Variants in SAFB2 observed in about 807,000 individuals in gnomAD.
SAFB2 encodes the protein scaffold attachment factor B2.
Under a neutral mutation model 100.6 loss-of-function variants are expected in SAFB2, and 32 were observed. The observed-to-expected ratio is 0.32, with a 90% CI of 0.24 to 0.43. The LOEUF (loss-of-function observed/expected upper bound fraction) is 0.43. Ranked by LOEUF, SAFB2 falls within the 20% of genes least tolerant of loss-of-function variation. The pLI, the probability that SAFB2 is intolerant of heterozygous loss-of-function variation, is 1.00. For synonymous variants in SAFB2, 500 were observed against 439.4 expected (o/e 1.14, Z -1.72); for missense variants, 1,185 against 1,163.4 (o/e 1.02, Z -0.27).
At chr19:5,617,557 G>C (rs899966734) in intron 2 of SAFB2, among the ~76,000 whole-genome samples, 1 of 152,122 alleles carries the variant, frequency 6.6e-6, no homozygotes, top group Non-Finnish European at 1.5e-5. Context: ...ACACCCAAAA[G>C]GGAAACAAAT....
chr19:5,610,102 C>A lies in SAFB2; in HGVS notation c.1196-7G>T, dbSNP rs375405609. On this transcript the variant is annotated splice_polypyrimidine_tract_variant and splice_region_variant and intron_variant, in intron 8 of 20. Coordinates refer to ENST00000252542, the MANE Select transcript of SAFB2 (RefSeq NM_014649.3). ...GAACCGCTGCCGACCCGACCTGGCACGAGAGGGAGATTCTTAGGCATCACC... is the reference window on the plus strand; with the variant it reads ...GAACCGCTGCCGACCCGACCTGGCAAGAGAGGGAGATTCTTAGGCATCACC... The A allele has an allele frequency of 1.2e-6, 2 of 1,613,274 alleles. No homozygotes were observed. The highest frequency in any genetic ancestry group is 3.3e-5 in the Admixed American group (2 of 60,010).
chr19:5,622,022 G>A (rs1166776831), intron 1 of SAFB2, among the ~76,000 whole-genome samples: 1 of 152,268 alleles, frequency 6.6e-6, no homozygotes, highest in Non-Finnish European at 1.5e-5. Flanking sequence ...GGAAGGTGAT[G>A]TCTCAGGCAG....
intron 13 of SAFB2, among the ~76,000 whole-genome samples, chr19:5,596,129 G>A (rs780985195): frequency 2.0e-5 from 3 of 152,174 alleles, no homozygotes; most frequent in Non-Finnish European, 2.9e-5. Flanking sequence ...TAGGCGTGGT[G>A]GCGCATGCCT....
intron 9 of SAFB2, 86 bp downstream of exon 9, chr19:5,609,909 A>G: frequency 1.7e-6 from 2 of 1,190,296 alleles, no homozygotes; most frequent in Non-Finnish European, 2.4e-6. Flanking sequence ...AACTGCTGGG[A>G]TTATAGACGT....
At chr19:5,622,430 G>A (rs528343002) in intron 1 of SAFB2, 100 bp downstream of exon 1, 4 of 1,271,522 alleles carry the variant, frequency 3.1e-6, no homozygotes, top group Admixed American at 6.7e-5. Context: ...AAGACGCGGG[G>A]CGAACCCAGG....
intron 11 of SAFB2, among the ~76,000 whole-genome samples, chr19:5,600,850 G>A (rs919500619): frequency 2.0e-5 from 3 of 152,168 alleles, no homozygotes; most frequent in Non-Finnish European, 4.4e-5. Context: ...TTCAACCAAA[G>A]GCAACTTTCT....
In SAFB2 at chr19:5,587,327, T is replaced by C. The variant is rs753588367; in HGVS notation, c.2778A>G (p.Gly926=). Residue 926 remains glycine (G), a synonymous_variant, in exon 21 of 21, where the codon GGA becomes GGG. Coordinates refer to ENST00000252542, the MANE Select transcript of SAFB2 (RefSeq NM_014649.3). This position sits in a 1 kb window ranked among gnomAD's most constrained non-coding sequence, Gnocchi z 4.9. Reference sequence around the variant, plus strand: ...TGCTGCCCCGGTCCTGGCTGGCCACTCCGCCACCTTCCAGTCCGCCACCTG... The same window carrying C: ...TGCTGCCCCGGTCCTGGCTGGCCACCCCGCCACCTTCCAGTCCGCCACCTG... ...VVPGGGLEGG[G]VASQDRGSRV... 1.2e-6 allele frequency: 2 copies of C among 1,612,812 alleles called. No homozygotes were observed. The highest frequency in any genetic ancestry group is 1.7e-6 in the Non-Finnish European group (2 of 1,179,634).
chr19:5,605,069 T>C, intron 9 of SAFB2, 133 bp from the exon 10 acceptor site: 1 of 1,051,668 alleles, frequency 9.5e-7, no homozygotes, highest in East Asian at 2.4e-5. Flanking sequence ...TTTTAGTTAC[T>C]GAATTGGTTC....
chr19:5,608,109 G>A (rs2052816462), intron 9 of SAFB2, among the ~76,000 whole-genome samples: 1 of 152,206 alleles, frequency 6.6e-6, no homozygotes, highest in Non-Finnish European at 1.5e-5. Flanking sequence ...AAGTAGCTGA[G>A]TGGTGTCCTG....
intron 13 of SAFB2, among the ~76,000 whole-genome samples, chr19:5,597,104 C>A (rs1030523460): frequency 3.9e-5 from 6 of 152,150 alleles, no homozygotes; most frequent in African/African-American, 1.4e-4. Flanking sequence ...GACAGATGCC[C>A]ACATACCACC....
At chr19:5,600,979 C>A (rs185746251) in intron 11 of SAFB2, among the ~76,000 whole-genome samples, 1 of 152,082 alleles carries the variant, frequency 6.6e-6, no homozygotes, top group Non-Finnish European at 1.5e-5. Context: ...TGCCAGGGTC[C>A]AGGCAGGAAA....
intron 8 of SAFB2, 117 bp downstream of exon 8, chr19:5,610,522 T>G: frequency 3.9e-6 from 3 of 761,286 alleles, no homozygotes; most frequent in Middle Eastern, 2.3e-4. Flanking sequence ...AGGTGGTTGA[T>G]TCCGGTAACC....
intron 17 of SAFB2, 152 bp from the exon 18 acceptor site, chr19:5,590,560 G>T: frequency 1.2e-6 from 1 of 852,844 alleles, no homozygotes; most frequent in Non-Finnish European, 1.7e-6. Flanking sequence ...GCTGGGCCCT[G>T]CTTCACTGAC....
At chr19:5,593,342 C>T (rs369559952) in intron 15 of SAFB2, among the ~76,000 whole-genome samples, 1 of 152,204 alleles carries the variant, frequency 6.6e-6, no homozygotes, top group African/African-American at 2.4e-5. Flanking sequence ...TGGACGGCAT[C>T]CAATTATCTT....
rs1039809344 is a variant in SAFB2 at position 5,587,890 on chromosome 19, G to A, written c.2616C>T (p.Ser872=). 6.2e-7 allele frequency: 1 copy of A among 1,611,648 alleles called. No homozygotes were observed. Among genetic ancestry groups the A allele is most frequent in the Non-Finnish European group, 8.5e-7 (1 of 1,179,440 alleles). Residue 872 remains serine (S), a synonymous_variant, in exon 19 of 21, where the codon AGC becomes AGT. Transcript: ENST00000252542. This position sits in a 1 kb window ranked among gnomAD's most constrained non-coding sequence, Gnocchi z 4.9. The stretch of plus-strand genomic sequence containing the variant: ...TACCTTGCCACCTGGCGTGCTCCCG[G>A]CTAGCCGCGCCTGCGTCCATGGCAC... The part of the protein sequence containing the change: ...WQGAMDAGAA[S]REHARWQGGE...
Position 5,598,900 on chromosome 19 carries a change from C to A in SAFB2, c.1691-16G>T, listed in dbSNP as rs768440045. On this transcript the variant is annotated splice_polypyrimidine_tract_variant and intron_variant, in intron 12 of 20. Transcript: ENST00000252542. The stretch of plus-strand genomic sequence containing the variant: ...CCTCTGCTTCCTTCAGGAAAAAACA[C>A]AACAAACTATCAAAACCTGTGGACG... 3 of 1,613,172 alleles carry A rather than the reference C, an allele frequency of 1.9e-6. No homozygotes were observed. Among genetic ancestry groups the A allele is most frequent in the Admixed American group, 3.3e-5 (2 of 60,008 alleles).
At chr19:5,594,269 G>GAA in intron 14 of SAFB2, 91 bp from the exon 15 acceptor site, 19 of 1,280,034 alleles carry the variant, frequency 1.5e-5, no homozygotes, top group Non-Finnish European at 1.6e-5. Flanking sequence ...ATTGGAAGCA[G>GAA]AAAAAAAAAA....
At chr19:5,616,643 CTTTTTTT>C (rs60033130) in intron 2 of SAFB2, among the ~76,000 whole-genome samples, 157 bp from the exon 3 acceptor site, 13 of 72,806 alleles carry the variant, frequency 1.8e-4, no homozygotes, top group East Asian at 4.5e-4. Flanking sequence ...AATTTGTTTT[CTTTTTTT>C]TTTTTTTTTT....
Position 5,595,480 on chromosome 19 carries a change from A to G in SAFB2, c.1800T>C (p.Asp600=). The G allele has an allele frequency of 1.2e-6, 2 of 1,613,794 alleles. No homozygotes were observed. Among genetic ancestry groups the G allele is most frequent in the African/African-American group, 2.7e-5 (2 of 75,056 alleles). Residue 600 remains aspartate (D), a synonymous_variant, in exon 14 of 21, where the codon GAT becomes GAC. Coordinates refer to ENST00000252542, the MANE Select transcript of SAFB2 (RefSeq NM_014649.3). ...RSKERSSKSQ[D]RKSESKEKRD... ...TCTTTTCTTTGCTTTCTGACTTGCGATCCTGACTCTTGGAGCTCTGTTTAC... is the reference window on the plus strand; with the variant it reads ...TCTTTTCTTTGCTTTCTGACTTGCGGTCCTGACTCTTGGAGCTCTGTTTAC...
Sources: allele counts gnomAD v4.1 joint callset (sites outside exome capture counted in the v4.1 genomes callset), GRCh38; gene constraint gnomAD v4.1.1; non-coding constraint Gnocchi (gnomAD v3.1); transcripts MANE v1.5; gene names NCBI Gene and HGNC (gene_info 2026-07-23, HGNC 2026-07-21).